The following ADD2 variants were observed in gnomAD, a reference collection of about 807,000 sequenced individuals.
The protein encoded by ADD2 is beta-adducin.
ADD2 carries 23 observed loss-of-function variants against 83.0 expected under a neutral mutation model. The ratio of observed to expected loss-of-function variants is 0.28; its 90% CI spans 0.20 to 0.39. ADD2 has a LOEUF of 0.39. ADD2 is among the 10% of genes least tolerant of loss of function. The probability of loss-of-function intolerance (pLI) is 1.00; values close to 1 mark genes in which losing one functional copy is unlikely to be tolerated. For missense variants in ADD2, 758 were observed against 944.9 expected, an observed-to-expected ratio of 0.80 and a Z score of 2.59; for synonymous variants, 375 against 375.4, an observed-to-expected ratio of 1.00 and a Z score of 0.01.
chr2:70,714,824 G>T (rs1434485328), intron 1 of ADD2, among the ~76,000 whole-genome samples: 1 of 152,140 alleles, frequency 6.6e-6, no homozygotes, highest in African/African-American at 2.4e-5. Flanking sequence ...CTGCCCTGTG[G>T]CCACAACCTG....
At chr2:70,675,876 C>T (rs1670112572) in intron 13 of ADD2, 1 of 985,338 alleles carries the variant, frequency 1.0e-6, no homozygotes, top group Non-Finnish European at 1.2e-6. Flanking sequence ...CAGTGTTGCT[C>T]ATTGTAATGA....
chr2:70,731,624 G>A (rs1553379294), intron 1 of ADD2, among the ~76,000 whole-genome samples: 1 of 152,158 alleles, frequency 6.6e-6, no homozygotes, highest in Non-Finnish European at 1.5e-5. Context: ...CAAAGTGCAA[G>A]CAGAGGACAC....
At chr2:70,677,700 G>A in intron 12 of ADD2, 58 bp downstream of exon 12, 6 of 1,592,308 alleles carry the variant, frequency 3.8e-6, no homozygotes, top group Non-Finnish European at 5.1e-6. Flanking sequence ...CCTGTTTGTG[G>A]GACCTGAGAC....
rs1675409396 is a variant in ADD2 at position 70,657,727 on chromosome 2, G to T, written c.*5698C>A. On this transcript the variant is annotated 3_prime_UTR_variant, in exon 16 of 16. Coordinates refer to ENST00000264436, the MANE Select transcript of ADD2 (RefSeq NM_001617.4). ...TTGCTGGGGGAGAGAAGAGTTTAGG[G>T]TCTTTCTACAGTTATTCTCCCACCA... The T allele has an allele frequency of 6.6e-6, 1 of 152,146 alleles. No homozygotes were observed. Among genetic ancestry groups the T allele is most frequent in the Non-Finnish European group, 1.5e-5 (1 of 68,064 alleles). The allele number at this position is 152,146 out of a possible 1,614,324, so 9.4% of individuals were successfully genotyped here.
At chr2:70,704,596 A>G (rs1352758558) in intron 3 of ADD2, 137 bp from the exon 4 acceptor site, 15 of 951,090 alleles carry the variant, frequency 1.6e-5, no homozygotes, top group Non-Finnish European at 2.2e-5. Context: ...GCTACAGGGG[A>G]CACTGAGCAG....
chr2:70,663,319 G>T lies in ADD2; in HGVS notation c.*106C>A. ...AAGTTCCCCTTCCGAATGTGGTCCAGGGTCCTACTCTATCCCTCCTTAGCC... is the reference window on the plus strand; with the variant it reads ...AAGTTCCCCTTCCGAATGTGGTCCATGGTCCTACTCTATCCCTCCTTAGCC... On this transcript the variant is annotated 3_prime_UTR_variant, in exon 16 of 16. Coordinates refer to ENST00000264436, the MANE Select transcript of ADD2 (RefSeq NM_001617.4). 7.8e-7 allele frequency: 1 copy of T among 1,280,558 alleles called. No homozygotes were observed. 79.3% of individuals were successfully genotyped at this position (1,280,558 alleles called of 1,614,324 possible). A position where few individuals can be genotyped will look rare whatever the true frequency, so the allele number is the denominator to read the frequency against.
At chr2:70,733,816 G>A (rs1673393240) in intron 1 of ADD2, among the ~76,000 whole-genome samples, 1 of 152,182 alleles carries the variant, frequency 6.6e-6, no homozygotes, top group Non-Finnish European at 1.5e-5. Context: ...TAATAATACA[G>A]TAAGAGCTGG....
At chr2:70,699,019 T>C (rs1558541650) in intron 4 of ADD2, among the ~76,000 whole-genome samples, 1 of 152,088 alleles carries the variant, frequency 6.6e-6, no homozygotes, top group Non-Finnish European at 1.5e-5. Flanking sequence ...ATATCCTGGA[T>C]GTGTACCAAG....
chr2:70,754,342 G>A (rs145876212), intron 1 of ADD2, among the ~76,000 whole-genome samples: 14 of 152,174 alleles, frequency 9.2e-5, no homozygotes, highest in African/African-American at 2.6e-4. Context: ...ATCCACAAAC[G>A]AAGAAGCTAA....
chr2:70,680,317 T>C (rs1670395068), intron 10 of ADD2, among the ~76,000 whole-genome samples: 1 of 152,222 alleles, frequency 6.6e-6, no homozygotes, highest in Admixed American at 6.5e-5. Context: ...AGTGCCTGCT[T>C]TTCCTGTGTT....
At chr2:70,705,506 C>A (rs571237432) in intron 3 of ADD2, among the ~76,000 whole-genome samples, 1 of 152,312 alleles carries the variant, frequency 6.6e-6, no homozygotes, top group East Asian at 1.9e-4. Flanking sequence ...CCTGAGGCCC[C>A]CCAAGCTCTT....
At chr2:70,685,990 G>A (rs576343766) in intron 9 of ADD2, among the ~76,000 whole-genome samples, 2 of 152,350 alleles carry the variant, frequency 1.3e-5, no homozygotes, top group East Asian at 1.9e-4. Flanking sequence ...ACCATCCCCA[G>A]GAGAAATAAA....
intron 1 of ADD2, among the ~76,000 whole-genome samples, chr2:70,748,512 G>A (rs782122505): frequency 6.4e-4 from 97 of 152,240 alleles, no homozygotes; most frequent in Admixed American, 2.2e-3. Flanking sequence ...CCTCATAGCA[G>A]GTCCATTTTA....
At chr2:70,683,543 G>A in intron 10 of ADD2, 48 bp downstream of exon 10, 1 of 1,566,486 alleles carries the variant, frequency 6.4e-7, no homozygotes, top group South Asian at 1.2e-5. Flanking sequence ...GTTCCAGGGG[G>A]CTAAGCCTCA....
intron 1 of ADD2, among the ~76,000 whole-genome samples, chr2:70,714,836 T>G (rs1487694573): frequency 6.6e-6 from 1 of 152,238 alleles, no homozygotes. Context: ...CACAACCTGC[T>G]AAGATTTGAA....
At chr2:70,700,774 T>C (rs1159470612) in intron 4 of ADD2, among the ~76,000 whole-genome samples, 2 of 152,050 alleles carry the variant, frequency 1.3e-5, no homozygotes, top group Non-Finnish European at 2.9e-5. Flanking sequence ...TAGCAGGAAA[T>C]TTGAATGATA....
Position 70,683,653 on chromosome 2 carries a change from T to G in ADD2, c.1063A>C (p.Met355Leu), listed in dbSNP as rs782415400. 203 of 1,614,010 alleles carry G rather than the reference T, an allele frequency of 1.3e-4. 1 individual carries two copies. The highest frequency in any genetic ancestry group is 1.7e-4 in the Non-Finnish European group (198 of 1,180,008). Residue 355 changes from methionine to leucine, a missense_variant, in exon 10 of 16, where the codon ATG (methionine) becomes CTG (leucine). Transcript: ENST00000264436. The stretch of plus-strand genomic sequence containing the variant: ...TGCTCCCCCAGCCGACTCTTCTGCA[T>G]AGGCCCAAAGGTGCTCCCGGCCCAC... The part of the protein sequence containing the change: ...VQWAGSTFGP[M>L]QKSRLGEHEF...
intron 1 of ADD2, among the ~76,000 whole-genome samples, chr2:70,723,495 A>G (rs1672834110): frequency 1.3e-5 from 2 of 152,304 alleles, no homozygotes; most frequent in African/African-American, 4.8e-5. Flanking sequence ...AACGAATCTG[A>G]AACTGAGCTG....
intron 10 of ADD2, 75 bp from the exon 11 acceptor site, chr2:70,679,036 C>T (rs1670326081): frequency 2.7e-6 from 4 of 1,487,732 alleles, no homozygotes; most frequent in Non-Finnish European, 3.6e-6. Context: ...GCACACACAC[C>T]TTTCCTTCCG....
Sources: gnomAD v4.1 joint callset for allele counts (sites outside exome capture counted in the v4.1 genomes callset) on GRCh38, gnomAD v4.1.1 for gene constraint, MANE v1.5 for transcripts, NCBI Gene and HGNC (gene_info 2026-07-23, HGNC 2026-07-21) for gene names.